CECR2: variants seen among roughly 807,000 people sequenced by gnomAD.
CECR2 encodes the protein chromatin remodeling regulator CECR2.
Under a neutral mutation model 154.5 loss-of-function variants are expected in CECR2, and 30 were observed. The ratio of observed to expected loss-of-function variants is 0.19; its 90% confidence interval spans 0.15 to 0.26. The LOEUF (loss-of-function observed/expected upper bound fraction) is 0.26, where lower values mean the gene tolerates loss of function less well. CECR2 is among the 10% of genes least tolerant of loss of function. The probability of loss-of-function intolerance (pLI) is 1.00; values close to 1 mark genes in which losing one functional copy is unlikely to be tolerated. For missense variants in CECR2, 1,743 were observed against 1,829.3 expected (o/e 0.95, Z 0.86); for synonymous variants, 725 against 683.7 (o/e 1.06, Z -0.94).
At chr22:17,471,156 A>G (rs2055120510) in intron 1 of CECR2, among the ~76,000 whole-genome samples, 2 of 152,190 alleles carry the variant, frequency 1.3e-5, no homozygotes, top group Admixed American at 1.3e-4. Flanking sequence ...TGCCATTTTT[A>G]CCCTGTGGCT....
intron 1 of CECR2, among the ~76,000 whole-genome samples, chr22:17,430,409 AC>A (rs945621898): frequency 1.2e-4 from 18 of 151,524 alleles, no homozygotes; most frequent in African/African-American, 4.4e-4. Context: ...CACTTATTCT[AC>A]CCCCTAATTC....
chr22:17,468,836 G>A (rs1011959010), intron 1 of CECR2, among the ~76,000 whole-genome samples: 4 of 152,122 alleles, frequency 2.6e-5, no homozygotes, highest in Admixed American at 6.5e-5. Flanking sequence ...TGTATTTCTC[G>A]TAGTTCTTCA....
intron 1 of CECR2, among the ~76,000 whole-genome samples, chr22:17,421,326 C>A (rs1190128150): frequency 1.3e-5 from 2 of 151,690 alleles, no homozygotes; most frequent in East Asian, 3.9e-4. Context: ...AAAAAATTAG[C>A]CAGGCAAGGC....
At chr22:17,426,502 A>G (rs1369885291) in intron 1 of CECR2, among the ~76,000 whole-genome samples, 2 of 152,276 alleles carry the variant, frequency 1.3e-5, no homozygotes, top group African/African-American at 4.8e-5. Context: ...GACTGCAGGC[A>G]TGCACCACCA....
chr22:17,360,419 C>T (rs549046003), intron 1 of CECR2, among the ~76,000 whole-genome samples: 48 of 152,330 alleles, frequency 3.2e-4, no homozygotes, highest in Admixed American at 2.5e-3. Context: ...AAGTGGCTCA[C>T]GCCTATAATC....
intron 1 of CECR2, among the ~76,000 whole-genome samples, chr22:17,377,909 C>T (rs527340736): frequency 6.6e-6 from 1 of 152,306 alleles, no homozygotes; most frequent in East Asian, 1.9e-4. Flanking sequence ...TTCTCAGCCT[C>T]AGCACTATTG....
intron 1 of CECR2, among the ~76,000 whole-genome samples, chr22:17,434,176 T>A (rs1158056539): frequency 6.6e-6 from 1 of 152,160 alleles, no homozygotes; most frequent in South Asian, 2.1e-4. Flanking sequence ...TTTGCTTCTC[T>A]TGGGAGAATG....
intron 1 of CECR2, among the ~76,000 whole-genome samples, chr22:17,363,450 C>T (rs567000801): frequency 2.0e-5 from 3 of 151,962 alleles, no homozygotes; most frequent in African/African-American, 2.4e-5. Flanking sequence ...CCTTATGATC[C>T]GCCTGCCTTG....
rs560174244 is a variant in CECR2, at chr22:17,498,720, C to T, written c.406-690C>T. ...CCACAGAGGATCCCATGGGGCAAAG[C>T]TTGCCCCGTGCCTGATCCACCCGGT... On this transcript the variant is annotated intron_variant, in intron 3 of 18. Coordinates refer to ENST00000262608, the MANE Select transcript of CECR2 (RefSeq NM_001290047.2). Among the ~76,000 whole-genome samples the T allele has an allele frequency of 1.2e-3, 180 of 152,224 alleles. 1 individual carries two copies. Among genetic ancestry groups the T allele is most frequent in the African/African-American group, 4.2e-3 (176 of 41,540 alleles).
At chr22:17,514,190 A>C (rs2056010462) in intron 8 of CECR2, among the ~76,000 whole-genome samples, 1 of 152,154 alleles carries the variant, frequency 6.6e-6, no homozygotes, top group South Asian at 2.1e-4. Context: ...TGTCTCGCTG[A>C]ACTCAGGGAT....
intron 1 of CECR2, among the ~76,000 whole-genome samples, chr22:17,388,650 G>A (rs1443046282): frequency 6.6e-6 from 1 of 152,198 alleles, no homozygotes; most frequent in African/African-American, 2.4e-5. Flanking sequence ...AATTTACGGA[G>A]AACACTGAGT....
intron 2 of CECR2, among the ~76,000 whole-genome samples, chr22:17,491,348 C>G (rs1325394779): frequency 1.3e-5 from 2 of 152,176 alleles, no homozygotes; most frequent in African/African-American, 4.8e-5. Context: ...GCATCCTGGT[C>G]AGCACTTGTT....
intron 16 of CECR2, among the ~76,000 whole-genome samples, chr22:17,547,919 A>G (rs1396188888): frequency 1.3e-5 from 2 of 152,136 alleles, no homozygotes; most frequent in African/African-American, 2.4e-5. Flanking sequence ...GGCCCACTGT[A>G]AGAGTGAATG....
intron 17 of CECR2, among the ~76,000 whole-genome samples, chr22:17,549,790 T>TTTG (rs1555935211): frequency 6.9e-6 from 1 of 144,578 alleles, no homozygotes; most frequent in African/African-American, 2.6e-5. Flanking sequence ...TTTGGTTTTT[T>TTTG]TTTTTTTTTT....
chr22:17,370,346 TC>T lies in CECR2; in HGVS notation c.126+438del, dbSNP rs1280186458. Among the ~76,000 whole-genome samples, 701 of 141,900 alleles carry T rather than the reference TC, an allele frequency of 4.9e-3. 7 individuals are homozygous for T. Among genetic ancestry groups the T allele is most frequent in the African/African-American group, 0.017 (638 of 37,146 alleles). The allele number at this position is 141,900 out of a possible 152,430, so 93.1% of individuals were successfully genotyped here. ...GGGGGGGGGCCCGCGCGGGATTAAC[TC>T]GGACCGGGGCGGGAGTCGGCCGCGG... On this transcript the variant is annotated intron_variant, in intron 1 of 18. Coordinates refer to ENST00000262608, the MANE Select transcript of CECR2 (RefSeq NM_001290047.2).
At chr22:17,480,526 A>G (rs989433156) in intron 2 of CECR2, among the ~76,000 whole-genome samples, 2 of 152,118 alleles carry the variant, frequency 1.3e-5, no homozygotes, top group African/African-American at 4.8e-5. Context: ...ACACCTGTGT[A>G]ACAGAGAACC....
intron 1 of CECR2, among the ~76,000 whole-genome samples, chr22:17,437,435 C>T (rs1446297432): frequency 6.6e-6 from 1 of 152,080 alleles, no homozygotes; most frequent in Non-Finnish European, 1.5e-5. Flanking sequence ...TTAAAGGGGC[C>T]GCCTTTCATC....
chr22:17,511,111 G>A (rs1459230049), intron 7 of CECR2, among the ~76,000 whole-genome samples: 2 of 152,152 alleles, frequency 1.3e-5, no homozygotes, highest in Non-Finnish European at 2.9e-5. Context: ...TTAAGGGAAG[G>A]CCTTTGCTTG....
At chr22:17,549,873 G>C (rs1406766474) in intron 17 of CECR2, among the ~76,000 whole-genome samples, 4 of 140,730 alleles carry the variant, frequency 2.8e-5, no homozygotes, top group Non-Finnish European at 1.5e-5. Flanking sequence ...TCATCCTCCT[G>C]CCTCAGCCTG....
Sources: gnomAD v4.1 joint callset for allele counts (sites outside exome capture counted in the v4.1 genomes callset) on GRCh38, gnomAD v4.1.1 for gene constraint, MANE v1.5 for transcripts, NCBI Gene and HGNC (gene_info 2026-07-23, HGNC 2026-07-21) for gene names.